FRMD4A: variants seen among roughly 807,000 people sequenced by gnomAD.
FRMD4A encodes the protein FERM domain-containing protein 4A.
In FRMD4A, 29 loss-of-function variants were observed where a neutral mutation model predicts 129.1. The observed-to-expected ratio is 0.22, with a 90% CI of 0.17 to 0.31. The LOEUF (loss-of-function observed/expected upper bound fraction) is 0.31, where lower values mean the gene tolerates loss of function less well. FRMD4A is among the 10% of genes least tolerant of loss of function. The probability of loss-of-function intolerance (pLI) is 1.00; values close to 1 mark genes in which losing one functional copy is unlikely to be tolerated. For missense variants in FRMD4A, 1,272 were observed against 1,375.8 expected (o/e 0.92, Z 1.19); for synonymous variants, 634 against 571.6 (o/e 1.11, Z -1.56).
chr10:14,224,870 G>A (rs1166202973), intron 2 of FRMD4A, among the ~76,000 whole-genome samples: 4 of 152,152 alleles, frequency 2.6e-5, no homozygotes, highest in African/African-American at 7.2e-5. Flanking sequence ...CTGATGTAGA[G>A]CAGGTCCAGA....
At chr10:13,910,821 C>T (rs1976983) in intron 2 of FRMD4A, among the ~76,000 whole-genome samples, 6,317 of 146,124 alleles carry the variant, frequency 0.043, 442 homozygotes, top group African/African-American at 0.15. Context: ...CATTTTGCCC[C>T]GTGCATGTAC....
At chr10:14,212,410 A>C (rs1191046558) in intron 2 of FRMD4A, among the ~76,000 whole-genome samples, 1 of 152,158 alleles carries the variant, frequency 6.6e-6, no homozygotes, top group East Asian at 1.9e-4. Context: ...AAAGGCGTGG[A>C]TCAGATGTTT....
At chr10:13,915,826 C>A (rs1472196841) in intron 2 of FRMD4A, among the ~76,000 whole-genome samples, 1 of 152,144 alleles carries the variant, frequency 6.6e-6, no homozygotes, top group East Asian at 1.9e-4. Flanking sequence ...ACCTGTGCTC[C>A]CGCTGCAGAG....
In FRMD4A at chr10:13,652,117, C is replaced by A. The variant is rs949630896; in HGVS notation, c.3051-143G>T. ...ACACCTGAGTTAGCAACAGATCATA[C>A]AAGTCATGCAGTACTTTCAGTCCCC... On this transcript the variant is annotated intron_variant, in intron 23 of 24. Coordinates refer to ENST00000357447, the MANE Select transcript of FRMD4A (RefSeq NM_018027.5). The A allele has an allele frequency of 2.5e-4, 169 of 678,226 alleles. 2 individuals are homozygous for A. Among genetic ancestry groups the A allele is most frequent in the Middle Eastern group, 7.4e-4 (2 of 2,688 alleles). 42.0% of individuals were successfully genotyped at this position (678,226 alleles called of 1,614,324 possible). A position where few individuals can be genotyped will look rare whatever the true frequency, so the allele number is the denominator to read the frequency against.
chr10:14,058,894 C>T lies in FRMD4A; in HGVS notation c.46-199982G>A, dbSNP rs142306119. 2.7e-3 allele frequency among the ~76,000 whole-genome samples: 415 copies of T among 152,032 alleles called. 3 individuals are homozygous for T. Among genetic ancestry groups the T allele is most frequent in the African/African-American group, 9.3e-3 (387 of 41,482 alleles). On this transcript the variant is annotated intron_variant, in intron 2 of 24. Coordinates refer to ENST00000357447, the MANE Select transcript of FRMD4A (RefSeq NM_018027.5). Reference sequence around the variant, plus strand: ...GTGGACTTCTAGGTCACCTTGATCACGCATAGTATCTACCCTTGGTTTAGA... The same window carrying T: ...GTGGACTTCTAGGTCACCTTGATCATGCATAGTATCTACCCTTGGTTTAGA...
At chr10:13,858,486 T>A (rs2094244845) in intron 3 of FRMD4A, among the ~76,000 whole-genome samples, 1 of 152,148 alleles carries the variant, frequency 6.6e-6, no homozygotes, top group African/African-American at 2.4e-5. Context: ...CCTTTTTCTA[T>A]CCCCTCTGAG....
chr10:14,076,029 C>T (rs529706008), intron 2 of FRMD4A, among the ~76,000 whole-genome samples: 2 of 152,282 alleles, frequency 1.3e-5, no homozygotes, highest in South Asian at 4.1e-4. Flanking sequence ...AGAACCTGAC[C>T]TTAGTTGATG....
At chr10:14,315,514 A>G (rs1846706461) in intron 2 of FRMD4A, among the ~76,000 whole-genome samples, 1 of 152,178 alleles carries the variant, frequency 6.6e-6, no homozygotes, top group African/African-American at 2.4e-5. Flanking sequence ...CTGTGTTCCT[A>G]CAGCAATTTT....
intron 2 of FRMD4A, among the ~76,000 whole-genome samples, chr10:13,865,212 T>G (rs1183709297): frequency 6.6e-6 from 1 of 152,146 alleles, no homozygotes; most frequent in Admixed American, 6.5e-5. Context: ...CTCTTAGGAA[T>G]CCTGCAATGA....
intron 2 of FRMD4A, among the ~76,000 whole-genome samples, chr10:14,069,887 T>C (rs969007585): frequency 6.6e-6 from 1 of 152,202 alleles, no homozygotes; most frequent in Admixed American, 6.5e-5. Flanking sequence ...TTTGCCTTTC[T>C]AACTTTTGCT....
chr10:14,040,779 T>C (rs1184747117), intron 2 of FRMD4A, among the ~76,000 whole-genome samples: 5 of 152,210 alleles, frequency 3.3e-5, no homozygotes, highest in Non-Finnish European at 4.4e-5. Context: ...CCAGAGGAAA[T>C]AAGACGGAGA....
chr10:13,884,196 T>TCACACACTCACACA (rs2094588310), intron 2 of FRMD4A, among the ~76,000 whole-genome samples: 7 of 108,536 alleles, frequency 6.4e-5, no homozygotes, highest in African/African-American at 2.5e-4. Flanking sequence ...ACACACACAC[T>TCACACACTCACACA]CACACACACA....
intron 15 of FRMD4A, chr10:13,684,670 C>G (rs1488254766): frequency 1.0e-6 from 1 of 985,292 alleles, no homozygotes; most frequent in Non-Finnish European, 1.2e-6. Context: ...AGGACGTTGT[C>G]AGGAGCCACG....
At chr10:14,236,022 G>A (rs1365407804) in intron 2 of FRMD4A, among the ~76,000 whole-genome samples, 1 of 152,216 alleles carries the variant, frequency 6.6e-6, no homozygotes, top group Non-Finnish European at 1.5e-5. Context: ...CCTGGAAGAA[G>A]GTGAAACAGA....
chr10:13,786,562 T>C (rs935392154), intron 5 of FRMD4A, among the ~76,000 whole-genome samples: 1 of 152,130 alleles, frequency 6.6e-6, no homozygotes, highest in Non-Finnish European at 1.5e-5. Context: ...GCTGAGATCA[T>C]GCCATTGCAC....
Position 13,657,209 on chromosome 10 carries a change from C to A in FRMD4A, c.2380G>T (p.Gly794Cys). Residue 794 changes from glycine to cysteine, a missense_variant, in exon 22 of 25, where the codon GGC (glycine) becomes TGC (cysteine). Transcript: ENST00000357447. Reference protein sequence around the residue: ...RQRQRAAGALGSASSGSMPNL... With the variant: ...RQRQRAAGALCSASSGSMPNL... ...GGCATGCTGCCCGAGCTGGCTGAGC[C>A]CAGTGCGCCCGCCGCCCGCTGCCGC... 6.5e-7 allele frequency: 1 copy of A among 1,545,302 alleles called. No individual in the cohort carries two copies. The highest frequency in any genetic ancestry group is 8.7e-7 in the Non-Finnish European group (1 of 1,151,994).
At chr10:14,124,946 C>T (rs927814710) in intron 2 of FRMD4A, among the ~76,000 whole-genome samples, 2 of 152,150 alleles carry the variant, frequency 1.3e-5, no homozygotes, top group Admixed American at 6.5e-5. Flanking sequence ...TTACAGACAG[C>T]ATTTGGAGAA....
chr10:13,905,775 AT>A (rs1367558248), intron 2 of FRMD4A, among the ~76,000 whole-genome samples: 1 of 152,218 alleles, frequency 6.6e-6, no homozygotes, highest in African/African-American at 2.4e-5. Context: ...ATCCAAGTCA[AT>A]TTTTAAGACC....
At chr10:13,702,909 GAAGGAAAA>G (rs1447269301) in intron 13 of FRMD4A, among the ~76,000 whole-genome samples, 2 of 23,756 alleles carry the variant, frequency 8.4e-5, no homozygotes, top group Non-Finnish European at 1.6e-4. Context: ...CAACAAAAGT[GAAGGAAAA>G]AAAAAAAAAA....
Sources: allele counts gnomAD v4.1 joint callset (sites outside exome capture counted in the v4.1 genomes callset), GRCh38; gene constraint gnomAD v4.1.1; transcripts MANE v1.5; gene names NCBI Gene and HGNC (gene_info 2026-07-23, HGNC 2026-07-21).